The following WDR33 variants were observed in gnomAD, a reference collection of about 807,000 sequenced individuals.
WDR33 encodes WD repeat domain 33.
A neutral mutation model predicts 164.9 loss-of-function variants in WDR33; 47 were observed. That is an observed-to-expected ratio of 0.29 (90% CI 0.23 to 0.36). The LOEUF (loss-of-function observed/expected upper bound fraction) is 0.36. WDR33 is among the 10% of genes least tolerant of loss of function. WDR33 has a pLI of 1.00. For missense variants in WDR33, 1,137 were observed against 1,754.1 expected, an observed-to-expected ratio of 0.65 and a Z score of 6.28; for synonymous variants, 505 against 589.0, an observed-to-expected ratio of 0.86 and a Z score of 2.06.
intron 4 of WDR33, among the ~76,000 whole-genome samples, chr2:127,765,844 G>A (rs1330349932): frequency 6.7e-6 from 1 of 149,016 alleles, no homozygotes; most frequent in Non-Finnish European, 1.5e-5. Flanking sequence ...ACCAAGCAGT[G>A]ATAACTCTTA....
At chr2:127,795,672 A>C (rs1423538550) in intron 1 of WDR33, among the ~76,000 whole-genome samples, 6 of 150,280 alleles carry the variant, frequency 4.0e-5, no homozygotes, top group South Asian at 2.1e-4. Context: ...AAAAAAAAAA[A>C]ACACCAAAAA....
At chr2:127,810,773 GTCAGGGCCTTAGTTCTAA>G (rs1689622688) in intron 1 of WDR33, 1 of 134,926 alleles carries the variant, frequency 7.4e-6, no homozygotes, top group Non-Finnish European at 1.6e-5. Context: ...ACCGCTCCCA[GTCAGGGCCTTAGTTCTAA>G]CCATGGCCGC....
chr2:127,765,101 C>T (rs1285468948), intron 5 of WDR33, 73 bp downstream of exon 5: 2 of 1,554,806 alleles, frequency 1.3e-6, no homozygotes, highest in Non-Finnish European at 1.8e-6. Context: ...TTTAACAATG[C>T]CAATGAAATG....
chr2:127,809,519 T>G (rs1689570440), intron 1 of WDR33, among the ~76,000 whole-genome samples: 1 of 138,768 alleles, frequency 7.2e-6, no homozygotes, highest in South Asian at 2.4e-4. Context: ...CACTGCAACC[T>G]CTGCCTCCGG....
chr2:127,757,115 A>G (rs1366792518), intron 7 of WDR33, among the ~76,000 whole-genome samples: 1 of 152,026 alleles, frequency 6.6e-6, no homozygotes, highest in Admixed American at 6.6e-5. Context: ...CACATACAAA[A>G]GAGTGCCTGG....
chr2:127,724,773 G>A lies in WDR33; in HGVS notation c.1085+114C>T. On this transcript the variant is annotated intron_variant, in intron 10 of 21. Transcript: ENST00000322313. This position sits in a 1 kb window ranked among gnomAD's most constrained non-coding sequence, Gnocchi z 4.8. ...TTTACAGAACTGAAAACTGCAAGCA[G>A]TCTCTGATATAGGATATATGAACAC... The A allele has an allele frequency of 8.6e-7, 1 of 1,163,320 alleles. No homozygotes were observed. The highest frequency in any genetic ancestry group is 1.3e-6 in the Non-Finnish European group (1 of 788,450). 72.1% of individuals were successfully genotyped at this position (1,163,320 alleles called of 1,614,324 possible). A position where few individuals can be genotyped will look rare whatever the true frequency, so the allele number is the denominator to read the frequency against.
chr2:127,740,229 T>G lies in WDR33; in HGVS notation c.725-13452A>C, dbSNP rs10221902. 7.0e-3 allele frequency among the ~76,000 whole-genome samples: 1,063 copies of G among 152,312 alleles called. 10 individuals carry two copies. Among genetic ancestry groups the G allele is most frequent in the African/African-American group, 0.024 (1,012 of 41,558 alleles). On this transcript the variant is annotated intron_variant, in intron 7 of 21. Transcript: ENST00000322313. ...ATGGTTCCGTCTACATTTTCTCTACTGTTAAAGAATGTTAACTCATTTCTA... is the reference window on the plus strand; with the variant it reads ...ATGGTTCCGTCTACATTTTCTCTACGGTTAAAGAATGTTAACTCATTTCTA...
intron 7 of WDR33, among the ~76,000 whole-genome samples, chr2:127,754,413 T>C (rs1251450531): frequency 6.6e-6 from 1 of 151,962 alleles, no homozygotes; most frequent in South Asian, 2.1e-4. Flanking sequence ...CAACAGTCCG[T>C]TCTCTTTTCT....
rs1240574589 is a variant in WDR33, at chr2:127,701,942, C to T, written c.*4381G>A. 3.3e-5 allele frequency: 47 copies of T among 1,416,002 alleles called. No individual in the cohort carries two copies. The highest frequency in any genetic ancestry group is 7.6e-5 in the African/African-American group (5 of 65,968). 87.7% of individuals were successfully genotyped at this position (1,416,002 alleles called of 1,614,324 possible). Reference sequence around the variant, plus strand: ...CGGCGTGCGGACGCCTGCTGCGCTGCGAAGAAGCGCCGTCCCGGCCCGCGC... The same window carrying T: ...CGGCGTGCGGACGCCTGCTGCGCTGTGAAGAAGCGCCGTCCCGGCCCGCGC... On this transcript the variant is annotated 3_prime_UTR_variant, in exon 22 of 22. Coordinates refer to ENST00000322313, the MANE Select transcript of WDR33 (RefSeq NM_018383.5).
intron 7 of WDR33, among the ~76,000 whole-genome samples, chr2:127,751,654 G>A (rs769111533): frequency 6.6e-6 from 1 of 152,006 alleles, no homozygotes; most frequent in Non-Finnish European, 1.5e-5. Flanking sequence ...TTTAACTATT[G>A]CAAAAAAATT....
rs1686075816 is a variant in WDR33 at position 127,708,689 on chromosome 2, G to A, written c.3769C>T (p.Arg1257Ter). ...MEAPGGPSED[R>*]GGKGRGGPGP... Reference sequence around the variant, plus strand: ...GGCCTGCTCTTACCTTTGCCTCCTCGGTCTTCAGAAGGGCCTCCTGGGGCC... The same window carrying A: ...GGCCTGCTCTTACCTTTGCCTCCTCAGTCTTCAGAAGGGCCTCCTGGGGCC... Residue 1257 changes from arginine (R) to a stop codon, truncating the protein, a stop_gained, in exon 21 of 22, where the codon CGA (arginine) becomes TGA (stop). Coordinates refer to ENST00000322313, the MANE Select transcript of WDR33 (RefSeq NM_018383.5). LOFTEE classifies it high-confidence loss of function. This position sits in a 1 kb window ranked among gnomAD's most constrained non-coding sequence, Gnocchi z 6.7. 6.2e-7 allele frequency: 1 copy of A among 1,605,066 alleles called. No individual in the cohort carries two copies. Among genetic ancestry groups the A allele is most frequent in the Non-Finnish European group, 8.5e-7 (1 of 1,174,612 alleles).
intron 7 of WDR33, among the ~76,000 whole-genome samples, chr2:127,729,764 G>T (rs571887195): frequency 7.2e-5 from 11 of 152,242 alleles, no homozygotes; most frequent in African/African-American, 2.4e-4. Flanking sequence ...CAAAGTGTTG[G>T]GATTACAGGC....
In WDR33 at chr2:127,706,709, A is replaced by G. The variant is rs549447584; in HGVS notation, c.3782-157T>C. 4.6e-5 allele frequency among the ~76,000 whole-genome samples: 7 copies of G among 152,252 alleles called. No homozygotes were observed. The highest frequency in any genetic ancestry group is 3.9e-4 in the Admixed American group (6 of 15,300). On this transcript the variant is annotated intron_variant, in intron 21 of 21. Coordinates refer to ENST00000322313, the MANE Select transcript of WDR33 (RefSeq NM_018383.5). The surrounding 1 kb of genome is among the most constrained non-coding windows in gnomAD (Gnocchi z 5.1). ...TCAGCGTACTGAGAGGTGTGCCTCT[A>G]CCCTTTCCTGACCCTGCCTCCCCCT...
In WDR33 at chr2:127,786,888, T is replaced by C. The variant is rs1282903021; in HGVS notation, c.-23-15884A>G. Among the ~76,000 whole-genome samples, 97 of 135,300 alleles carry C rather than the reference T, an allele frequency of 7.2e-4. 1 individual carries two copies. Among genetic ancestry groups the C allele is most frequent in the Non-Finnish European group, 2.2e-4 (14 of 62,936 alleles). The allele number at this position is 135,300 out of a possible 152,430, so 88.8% of individuals were successfully genotyped here. ...TAATTTATTTTTTTATTGATAATTC[T>C]TGGGTGTTTCTCACAGAGGGGGATT... On this transcript the variant is annotated intron_variant, in intron 1 of 21. Coordinates refer to ENST00000322313, the MANE Select transcript of WDR33 (RefSeq NM_018383.5).
intron 7 of WDR33, among the ~76,000 whole-genome samples, chr2:127,744,607 A>G (rs1687115888): frequency 6.6e-6 from 1 of 152,218 alleles, no homozygotes; most frequent in Admixed American, 6.5e-5. Flanking sequence ...AAATTGGGAA[A>G]TAAGAGGGGA....
chr2:127,770,735 A>C lies in WDR33; in HGVS notation c.204+43T>G, dbSNP rs376653544. The C allele has an allele frequency of 2.9e-4, 252 of 872,034 alleles. 2 individuals are homozygous for C. Among genetic ancestry groups the C allele is most frequent in the African/African-American group, 2.8e-3 (148 of 52,362 alleles). 54.0% of individuals were successfully genotyped at this position (872,034 alleles called of 1,614,324 possible). ...AATAAATAAATAAATAAATAAATAA[A>C]TAACCAAAGTTTGGTCATCTGAAGC... On this transcript the variant is annotated intron_variant, in intron 2 of 21. Coordinates refer to ENST00000322313, the MANE Select transcript of WDR33 (RefSeq NM_018383.5). The surrounding 1 kb of genome is among the most constrained non-coding windows in gnomAD (Gnocchi z 4.9).
intron 7 of WDR33, among the ~76,000 whole-genome samples, chr2:127,743,029 G>A (rs1687065495): frequency 6.6e-6 from 1 of 152,026 alleles, no homozygotes; most frequent in Non-Finnish European, 1.5e-5. Context: ...AGAAGGCAAA[G>A]GATTTCAAAC....
Position 127,764,015 on chromosome 2 carries a change from T to A in WDR33, c.626+813A>T, listed in dbSNP as rs1191563080. Reference sequence around the variant, plus strand: ...AGTGGATGATGTTTCCATAAAGATGTCAACCTCCTCCCACACATGGGTGGC... The same window carrying A: ...AGTGGATGATGTTTCCATAAAGATGACAACCTCCTCCCACACATGGGTGGC... On this transcript the variant is annotated intron_variant, in intron 6 of 21. Coordinates refer to ENST00000322313, the MANE Select transcript of WDR33 (RefSeq NM_018383.5). The surrounding 1 kb of genome is among the most constrained non-coding windows in gnomAD (Gnocchi z 6.2). 1.0e-6 allele frequency: 1 copy of A among 986,112 alleles called. No homozygotes were observed. Among genetic ancestry groups the A allele is most frequent in the African/African-American group, 1.7e-5 (1 of 57,256 alleles). The allele number at this position is 986,112 out of a possible 1,614,324, so 61.1% of individuals were successfully genotyped here.
chr2:127,801,433 G>A (rs1049369322), intron 1 of WDR33, among the ~76,000 whole-genome samples: 1 of 151,512 alleles, frequency 6.6e-6, no homozygotes, highest in African/African-American at 2.4e-5. Context: ...AGGCCATGGT[G>A]GGAGGATCAC....
Sources: allele counts gnomAD v4.1 joint callset (sites outside exome capture counted in the v4.1 genomes callset), GRCh38; gene constraint gnomAD v4.1.1; non-coding constraint Gnocchi (gnomAD v3.1); transcripts MANE v1.5; gene names NCBI Gene and HGNC (gene_info 2026-07-23, HGNC 2026-07-21).